FNTA: variants seen among roughly 807,000 people sequenced by gnomAD.
FNTA encodes the protein protein farnesyltransferase/geranylgeranyltransferase type-1 subunit alpha.
In FNTA, 27 loss-of-function variants were observed where a neutral mutation model predicts 55.2. The observed-to-expected ratio is 0.49, with a 90% CI of 0.36 to 0.67. The LOEUF (loss-of-function observed/expected upper bound fraction) is 0.67, where lower values mean the gene tolerates loss of function less well. Ranked by LOEUF, FNTA falls within the 30% of genes least tolerant of loss-of-function variation. The pLI, the probability that FNTA is intolerant of heterozygous loss-of-function variation, is 0.00. For synonymous variants in FNTA, 176 were observed against 170.7 expected (o/e 1.03, Z -0.24); for missense variants, 422 against 464.7 (o/e 0.91, Z 0.85).
chr8:43,084,653 A>G (rs1463696001), intron 7 of FNTA, 57 bp from the exon 8 acceptor site: 6 of 1,358,336 alleles, frequency 4.4e-6, no homozygotes, highest in Non-Finnish European at 6.1e-6. Context: ...TGATCTTTCT[A>G]CTGCTTTTGT....
chr8:43,084,608 C>T, intron 7 of FNTA, 102 bp from the exon 8 acceptor site: 1 of 852,210 alleles, frequency 1.2e-6, no homozygotes, highest in South Asian at 1.8e-5. Context: ...AATAACTCTC[C>T]TTTTCTTGTT....
At chr8:43,082,856 G>T (rs1030311572) in intron 6 of FNTA, 1 of 241,740 alleles carries the variant, frequency 4.1e-6, no homozygotes, top group African/African-American at 2.3e-5. Flanking sequence ...GACCAGTCTG[G>T]CCAATATGGT....
At chr8:43,071,777 C>G (rs1810798616) in intron 4 of FNTA, among the ~76,000 whole-genome samples, 1 of 151,518 alleles carries the variant, frequency 6.6e-6, no homozygotes, top group South Asian at 2.1e-4. Context: ...GCAGTAAATT[C>G]AGTTCTGCCC....
chr8:43,069,235 C>A (rs1810731205), intron 3 of FNTA, among the ~76,000 whole-genome samples: 1 of 151,844 alleles, frequency 6.6e-6, no homozygotes, highest in Admixed American at 6.6e-5. Context: ...CCTGCCTCAG[C>A]CTCCCCGAGC....
chr8:43,069,999 A>C (rs1586657161), intron 4 of FNTA: 2 of 161,284 alleles, frequency 1.2e-5, no homozygotes, highest in East Asian at 3.7e-4. Flanking sequence ...TCTGCTTGTA[A>C]TCCCAGCAGT....
chr8:43,069,948 A>T (rs1810749521), intron 4 of FNTA, among the ~76,000 whole-genome samples: 1 of 151,708 alleles, frequency 6.6e-6, no homozygotes, highest in East Asian at 2.0e-4. Context: ...CTGGCCTAGA[A>T]TTTTATTTAA....
At chr8:43,084,217 C>CT (rs965185730) in intron 7 of FNTA, among the ~76,000 whole-genome samples, 1,574 of 131,532 alleles carry the variant, frequency 0.012, 16 homozygotes, top group African/African-American at 0.013. Flanking sequence ...TGTAATTATC[C>CT]TTTTTTTTTT....
intron 6 of FNTA, chr8:43,078,340 TTTTG>T (rs1810955506): frequency 3.3e-5 from 5 of 151,844 alleles, no homozygotes; most frequent in Admixed American, 3.3e-4. Flanking sequence ...TGTTTTTTTT[TTTTG>T]TTTGTTTTTT....
At chr8:43,063,199 G>T (rs753367055) in intron 2 of FNTA, 42 of 450,036 alleles carry the variant, frequency 9.3e-5, no homozygotes, top group Non-Finnish European at 1.5e-4. Context: ...TCCTACCTCT[G>T]CCTCCCGAGT....
At chr8:43,075,736 A>G (rs935614309) in intron 5 of FNTA, among the ~76,000 whole-genome samples, 4 of 152,210 alleles carry the variant, frequency 2.6e-5, no homozygotes, top group Non-Finnish European at 4.4e-5. Flanking sequence ...ATATCGCTTG[A>G]GTCTGGGAGT....
At chr8:43,080,628 A>G (rs1169258347) in intron 6 of FNTA, 1 of 152,206 alleles carries the variant, frequency 6.6e-6, no homozygotes, top group Non-Finnish European at 1.5e-5. Flanking sequence ...GCTACTAGCC[A>G]CATATGGCTA....
At chr8:43,080,652 C>T (rs111398075) in intron 6 of FNTA, 1 of 152,062 alleles carries the variant, frequency 6.6e-6, no homozygotes, top group African/African-American at 2.4e-5. Flanking sequence ...AAGTTTCAAT[C>T]GGTATGATTA....
At chr8:43,059,304 T>C (rs1256788579) in intron 2 of FNTA, 127 bp downstream of exon 2, 4 of 642,468 alleles carry the variant, frequency 6.2e-6, no homozygotes, top group Admixed American at 3.3e-5. Flanking sequence ...TTAAGATGAG[T>C]TAATTTTGTG....
intron 3 of FNTA, among the ~76,000 whole-genome samples, chr8:43,067,441 G>A (rs562543145): frequency 4.1e-4 from 62 of 152,058 alleles, no homozygotes; most frequent in Non-Finnish European, 8.1e-4. Context: ...CATTTTAGTG[G>A]GGTTTTATTA....
At position 43,064,226 on chromosome 8, in the gene FNTA, C is replaced by T; in HGVS notation, c.401+11C>T. On this transcript the variant is annotated intron_variant, in intron 3 of 8. Transcript: ENST00000302279. ...CAATTATACAGTGTGGTAAGTAATACACATCATCAGTATTCCCTGCTTAAA... is the reference window on the plus strand; with the variant it reads ...CAATTATACAGTGTGGTAAGTAATATACATCATCAGTATTCCCTGCTTAAA... 1 of 1,468,268 alleles carries T rather than the reference C, an allele frequency of 6.8e-7. No individual in the cohort carries two copies. Among genetic ancestry groups the T allele is most frequent in the Non-Finnish European group, 9.5e-7 (1 of 1,047,766 alleles). The allele number at this position is 1,468,268 out of a possible 1,614,324, so 91.0% of individuals were successfully genotyped here.
intron 3 of FNTA, among the ~76,000 whole-genome samples, chr8:43,067,879 C>G (rs1312156521): frequency 6.6e-6 from 1 of 151,894 alleles, no homozygotes; most frequent in Non-Finnish European, 1.5e-5. Context: ...GCCACCACAC[C>G]CAGCTAGTTT....
chr8:43,067,642 T>A (rs1810691056), intron 3 of FNTA, among the ~76,000 whole-genome samples: 1 of 150,764 alleles, frequency 6.6e-6, no homozygotes, highest in Non-Finnish European at 1.5e-5. Flanking sequence ...CTCTGGGAAG[T>A]CTACTTTTTT....
intron 1 of FNTA, chr8:43,058,873 C>T: frequency 5.0e-6 from 2 of 397,084 alleles, no homozygotes; most frequent in African/African-American, 2.1e-5. Flanking sequence ...ATTAGCTTTT[C>T]AGCATCTGAG....
At position 43,064,091 on chromosome 8, in the gene FNTA, C is replaced by G; in HGVS notation, c.287-10C>G. 1 of 1,518,068 alleles carries G rather than the reference C, an allele frequency of 6.6e-7. No homozygotes were observed. The highest frequency in any genetic ancestry group is 9.2e-7 in the Non-Finnish European group (1 of 1,092,716). 94.0% of individuals were successfully genotyped at this position (1,518,068 alleles called of 1,614,324 possible). A position where few individuals can be genotyped will look rare whatever the true frequency, so the allele number is the denominator to read the frequency against. On this transcript the variant is annotated splice_polypyrimidine_tract_variant and intron_variant, in intron 2 of 8. Transcript: ENST00000302279. Reference sequence around the variant, plus strand: ...GATGGTCCTAATGTAGTTGTGTGCTCTATCTCTAGTTAGAGATGTTTATGA... The same window carrying G: ...GATGGTCCTAATGTAGTTGTGTGCTGTATCTCTAGTTAGAGATGTTTATGA...
Sources: gnomAD v4.1 joint callset for allele counts (sites outside exome capture counted in the v4.1 genomes callset) on GRCh38, gnomAD v4.1.1 for gene constraint, MANE v1.5 for transcripts, NCBI Gene and HGNC (gene_info 2026-07-23, HGNC 2026-07-21) for gene names.